The following GLI3 variants were observed in gnomAD, a reference collection of about 807,000 sequenced individuals.
GLI3 encodes GLI family zinc finger 3.
In GLI3, 20 loss-of-function variants were observed where a neutral mutation model predicts 100.8. The observed-to-expected ratio is 0.20, with a 90% CI of 0.14 to 0.29. The LOEUF (loss-of-function observed/expected upper bound fraction) is 0.29. Ranked by LOEUF, GLI3 falls within the 10% of genes least tolerant of loss-of-function variation. The pLI is 1.00. For synonymous variants in GLI3, 938 were observed against 860.5 expected, an observed-to-expected ratio of 1.09 and a Z score of -1.58; for missense variants, 2,040 against 2,128.5, an observed-to-expected ratio of 0.96 and a Z score of 0.82.
At position 41,964,335 on chromosome 7, in the gene GLI3, G is replaced by A; in HGVS notation, c.4738C>T (p.Gln1580Ter). 6.2e-7 allele frequency: 1 copy of A among 1,613,720 alleles called. No individual in the cohort carries two copies. Among genetic ancestry groups the A allele is most frequent in the Non-Finnish European group, 8.5e-7 (1 of 1,179,622 alleles). ...AEESKFLAVM[Q>*] ...CAGTCTTTTTTTCCTAAAGCCTATT[G>A]CATAACTGCAAGGAATTTGCTTTCT... The change falls in exon 15 of 15, where the codon CAA becomes TAA. Residue 1580 changes from glutamine to a stop codon, truncating the protein, a stop_gained. Transcript: ENST00000395925. LOFTEE classifies it high-confidence loss of function.
Position 41,964,128 on chromosome 7 carries a change from T to G in GLI3, c.*202A>C. 3.8e-6 allele frequency: 2 copies of G among 522,458 alleles called. No homozygotes were observed. Among genetic ancestry groups the G allele is most frequent in the South Asian group, 4.4e-5 (2 of 45,252 alleles). 32.4% of individuals were successfully genotyped at this position (522,458 alleles called of 1,614,324 possible). On this transcript the variant is annotated 3_prime_UTR_variant, in exon 15 of 15. Transcript: ENST00000395925. ...TAACAATACTGATTCAAAACTGAAA[T>G]GGAAGACAGTTTCTCCCTAGAATAC...
At chr7:42,181,211 CT>C (rs1039267456) in intron 2 of GLI3, among the ~76,000 whole-genome samples, 1 of 152,160 alleles carries the variant, frequency 6.6e-6, no homozygotes, top group Admixed American at 6.5e-5. Flanking sequence ...AATATCAGAA[CT>C]TCTCACCTAC....
chr7:42,008,072 G>T (rs1788507091), intron 10 of GLI3, among the ~76,000 whole-genome samples: 1 of 152,132 alleles, frequency 6.6e-6, no homozygotes, highest in Non-Finnish European at 1.5e-5. Flanking sequence ...GCGGTATAAA[G>T]AATTTCACTC....
chr7:42,035,610 G>A (rs1789415260), intron 7 of GLI3, among the ~76,000 whole-genome samples: 1 of 152,230 alleles, frequency 6.6e-6, no homozygotes, highest in Admixed American at 6.5e-5. Context: ...TAGAAAGTGA[G>A]AAAGTGATAC....
intron 4 of GLI3, among the ~76,000 whole-genome samples, chr7:42,061,166 C>T (rs976649663): frequency 3.3e-5 from 5 of 152,002 alleles, no homozygotes; most frequent in African/African-American, 1.2e-4. Flanking sequence ...CTATTTAATC[C>T]TTGCTTAATC....
chr7:42,152,756 C>T (rs1318799613), intron 2 of GLI3, among the ~76,000 whole-genome samples: 1 of 152,210 alleles, frequency 6.6e-6, no homozygotes, highest in Non-Finnish European at 1.5e-5. Context: ...AATTACAAGA[C>T]AAACTTAACA....
Position 42,137,315 on chromosome 7 carries a change from T to G in GLI3, c.367+10911A>C, listed in dbSNP as rs866511652. The stretch of plus-strand genomic sequence containing the variant: ...AAACGTCACTGCACACCAGCCAGAG[T>G]GACAGCCCTAAAATAAAAATCAAAT... On this transcript the variant is annotated intron_variant, in intron 3 of 14. Transcript: ENST00000395925. Among the ~76,000 whole-genome samples the G allele has an allele frequency of 2.6e-4, 40 of 152,056 alleles. 1 individual carries two copies. The highest frequency in any genetic ancestry group is 5.9e-5 in the Non-Finnish European group (4 of 68,010).
At chr7:42,216,614 C>T (rs1047035156) in intron 2 of GLI3, among the ~76,000 whole-genome samples, 2 of 152,104 alleles carry the variant, frequency 1.3e-5, no homozygotes, top group African/African-American at 2.4e-5. Context: ...GTCTTCTGCT[C>T]AATTTTTCTG....
chr7:42,261,032 A>T (rs1365365589), intron 1 of GLI3, among the ~76,000 whole-genome samples: 1 of 152,220 alleles, frequency 6.6e-6, no homozygotes, highest in East Asian at 1.9e-4. Flanking sequence ...TGGGTAATTC[A>T]TAAAGAAAAG....
intron 2 of GLI3, among the ~76,000 whole-genome samples, chr7:42,192,915 G>A (rs1444422444): frequency 1.3e-5 from 2 of 152,136 alleles, no homozygotes; most frequent in African/African-American, 4.8e-5. Flanking sequence ...GAACCAGCAG[G>A]ACCTGAGGCC....
chr7:42,062,752 G>A (rs1391561338), intron 4 of GLI3, among the ~76,000 whole-genome samples: 1 of 151,712 alleles, frequency 6.6e-6, no homozygotes. Flanking sequence ...AGAGCAGCCT[G>A]AACTTTTAGG....
At chr7:42,189,356 C>A (rs1489963912) in intron 2 of GLI3, among the ~76,000 whole-genome samples, 1 of 152,146 alleles carries the variant, frequency 6.6e-6, no homozygotes, top group East Asian at 1.9e-4. Context: ...TGTAGAAAGT[C>A]ACCCTATTTA....
chr7:42,135,174 C>T (rs141091795), intron 3 of GLI3, among the ~76,000 whole-genome samples: 10 of 152,196 alleles, frequency 6.6e-5, no homozygotes, highest in South Asian at 2.1e-4. Flanking sequence ...AAATCTAGAA[C>T]GCTAAGGTCA....
At position 42,045,543 on chromosome 7, in the gene GLI3, A is replaced by G; in HGVS notation, c.680-13T>C. ...CCTGCATGGGGCGCTAGGAGGAGAC[A>G]AGAGATGTATGGTTACTAGCGAAAG... On this transcript the variant is annotated splice_polypyrimidine_tract_variant and intron_variant, in intron 5 of 14. Transcript: ENST00000395925. 1 of 1,613,618 alleles carries G rather than the reference A, an allele frequency of 6.2e-7. No homozygotes were observed. The highest frequency in any genetic ancestry group is 8.5e-7 in the Non-Finnish European group (1 of 1,179,736).
chr7:41,994,350 C>T (rs1351537775), intron 10 of GLI3, among the ~76,000 whole-genome samples: 1 of 152,180 alleles, frequency 6.6e-6, no homozygotes. Context: ...TTGTGGAAAT[C>T]TCATTCACGG....
chr7:42,142,422 T>G (rs1211461120), intron 3 of GLI3, among the ~76,000 whole-genome samples: 1 of 152,164 alleles, frequency 6.6e-6, no homozygotes, highest in African/African-American at 2.4e-5. Context: ...CTCTTGGTCT[T>G]TTCTTTCTCT....
chr7:42,160,556 T>C (rs539671784), intron 2 of GLI3, among the ~76,000 whole-genome samples: 1 of 152,320 alleles, frequency 6.6e-6, no homozygotes, highest in South Asian at 2.1e-4. Context: ...GTTTTCTACT[T>C]GTGGCATCAC....
intron 1 of GLI3, among the ~76,000 whole-genome samples, chr7:42,246,431 G>A (rs1788972318): frequency 6.6e-6 from 1 of 152,122 alleles, no homozygotes; most frequent in Non-Finnish European, 1.5e-5. Flanking sequence ...TGATGTGGGG[G>A]AATAAACTCA....
At chr7:42,112,410 A>G (rs2128767043) in intron 3 of GLI3, among the ~76,000 whole-genome samples, 1 of 152,196 alleles carries the variant, frequency 6.6e-6, no homozygotes, top group East Asian at 1.9e-4. Flanking sequence ...AGTATTTGAT[A>G]GCAAAACAGG....
Sources: allele counts gnomAD v4.1 joint callset (sites outside exome capture counted in the v4.1 genomes callset), GRCh38; gene constraint gnomAD v4.1.1; transcripts MANE v1.5; gene names NCBI Gene and HGNC (gene_info 2026-07-23, HGNC 2026-07-21).